The following KLF12 variants were observed in gnomAD, a reference collection of about 807,000 sequenced individuals.
The protein encoded by KLF12 is Krueppel-like factor 12.
A neutral mutation model predicts 37.8 loss-of-function variants in KLF12; 9 were observed. The ratio of observed to expected loss-of-function variants is 0.24; its 90% CI spans 0.14 to 0.42. KLF12 has a LOEUF of 0.42. Ranked by LOEUF, KLF12 falls within the 10% of genes least tolerant of loss-of-function variation. KLF12 has a pLI of 1.00. For missense variants in KLF12, 411 were observed against 516.0 expected, an observed-to-expected ratio of 0.80 and a Z score of 1.97; for synonymous variants, 208 against 202.1, an observed-to-expected ratio of 1.03 and a Z score of -0.25.
At chr13:73,714,927 C>T (rs1022845328) in intron 7 of KLF12, among the ~76,000 whole-genome samples, 4 of 152,250 alleles carry the variant, frequency 2.6e-5, no homozygotes, top group Non-Finnish European at 4.4e-5. Context: ...CACAATGCTA[C>T]GTATCTGTCA....
At chr13:73,757,085 T>C (rs1474863474) in intron 6 of KLF12, among the ~76,000 whole-genome samples, 1 of 152,154 alleles carries the variant, frequency 6.6e-6, no homozygotes, top group Non-Finnish European at 1.5e-5. Flanking sequence ...AGCCCTGACT[T>C]CACCTACACA....
upstream of KLF12, among the ~76,000 whole-genome samples, chr13:74,135,655 CTAGGTGAG>C (rs1878527237): frequency 1.3e-5 from 2 of 151,922 alleles, no homozygotes; most frequent in East Asian, 3.9e-4. Flanking sequence ...CCTCACCATC[CTAGGTGAG>C]CGCGGCGCTC....
chr13:73,855,314 C>T (rs1885548142), intron 3 of KLF12, among the ~76,000 whole-genome samples: 1 of 152,072 alleles, frequency 6.6e-6, no homozygotes, highest in Non-Finnish European at 1.5e-5. Flanking sequence ...ATGTTTAGCT[C>T]CCATGTATAA....
intron 6 of KLF12, among the ~76,000 whole-genome samples, chr13:73,747,632 C>T (rs541398162): frequency 7.2e-5 from 11 of 152,008 alleles, no homozygotes; most frequent in Non-Finnish European, 1.0e-4. Context: ...TTATTTATTG[C>T]GTTTGGTAAA....
intron 5 of KLF12, among the ~76,000 whole-genome samples, chr13:73,805,650 G>GAGGAAGGAAGGAAGGA (rs1164051826): frequency 8.1e-5 from 3 of 37,060 alleles, no homozygotes; most frequent in Admixed American, 5.8e-4. Context: ...GGGAGGGAGG[G>GAGGAAGGAAGGAAGGA]AGGAAGGAAG....
intron 5 of KLF12, among the ~76,000 whole-genome samples, chr13:73,803,837 T>C (rs1882420091): frequency 6.6e-6 from 1 of 151,358 alleles, no homozygotes. Flanking sequence ...TAAATTCCTG[T>C]GCCCAATTGT....
At chr13:73,902,414 G>A (rs990464317) in intron 3 of KLF12, among the ~76,000 whole-genome samples, 1 of 152,274 alleles carries the variant, frequency 6.6e-6, no homozygotes, top group Middle Eastern at 3.4e-3. Context: ...ACCATCATGG[G>A]AGGAAGTGGC....
chr13:73,978,763 A>C (rs367875190), intron 2 of KLF12, among the ~76,000 whole-genome samples: 85 of 152,264 alleles, frequency 5.6e-4, no homozygotes, highest in African/African-American at 2.0e-3. Flanking sequence ...AAAAGTAGGG[A>C]CCAACCAAGG....
chr13:74,142,785 T>C, the KLF12 span, among the ~76,000 whole-genome samples: 2 of 152,172 alleles, frequency 1.3e-5, no homozygotes, highest in African/African-American at 4.8e-5. Context: ...TAAAGGAATA[T>C]ATACAGTTTC....
At chr13:73,946,464 C>A (rs1001208628) in intron 2 of KLF12, among the ~76,000 whole-genome samples, 4 of 152,164 alleles carry the variant, frequency 2.6e-5, no homozygotes, top group African/African-American at 9.6e-5. Flanking sequence ...GGTCTGTGTT[C>A]CACTTAACAC....
At chr13:73,962,371 A>G (rs1891046339) in intron 2 of KLF12, among the ~76,000 whole-genome samples, 1 of 152,220 alleles carries the variant, frequency 6.6e-6, no homozygotes, top group Admixed American at 6.5e-5. Flanking sequence ...GATTTCTAGA[A>G]CAATAAAACT....
chr13:73,811,802 A>T (rs1434528616), intron 5 of KLF12, among the ~76,000 whole-genome samples: 2 of 152,206 alleles, frequency 1.3e-5, no homozygotes, highest in East Asian at 3.8e-4. Context: ...TATTATATGT[A>T]TATTCATATA....
chr13:74,015,286 G>A (rs1020970250), intron 1 of KLF12, among the ~76,000 whole-genome samples: 6 of 152,082 alleles, frequency 3.9e-5, no homozygotes, highest in African/African-American at 1.4e-4. Context: ...TCTCCACTAG[G>A]TTATAAATTT....
the KLF12 span, among the ~76,000 whole-genome samples, chr13:74,188,978 T>G: frequency 6.6e-6 from 1 of 152,030 alleles, no homozygotes; most frequent in Non-Finnish European, 1.5e-5. Flanking sequence ...GCCTGGGGGT[T>G]CTTGAGACAG....
chr13:74,038,046 G>A (rs770061977), intron 1 of KLF12, among the ~76,000 whole-genome samples: 5 of 152,166 alleles, frequency 3.3e-5, no homozygotes, highest in African/African-American at 4.8e-5. Context: ...CAATACATGT[G>A]ATAAAACTGC....
chr13:73,953,139 A>G (rs1890702656), intron 2 of KLF12, among the ~76,000 whole-genome samples: 1 of 152,198 alleles, frequency 6.6e-6, no homozygotes, highest in Non-Finnish European at 1.5e-5. Flanking sequence ...CAAAGGACCT[A>G]CTACATTCTG....
intron 3 of KLF12, among the ~76,000 whole-genome samples, chr13:73,928,511 CA>C (rs1240307526): frequency 6.6e-6 from 1 of 152,142 alleles, no homozygotes; most frequent in African/African-American, 2.4e-5. Flanking sequence ...CTTTATACCA[CA>C]AACACTGAAT....
At chr13:74,229,372 T>C in the KLF12 span, among the ~76,000 whole-genome samples, 1 of 152,188 alleles carries the variant, frequency 6.6e-6, no homozygotes, top group Admixed American at 6.6e-5. Flanking sequence ...CTCCTGTATT[T>C]ATTATTCGTG....
At chr13:73,894,010 C>T (rs1437127383) in intron 3 of KLF12, among the ~76,000 whole-genome samples, 2 of 152,118 alleles carry the variant, frequency 1.3e-5, no homozygotes, top group Non-Finnish European at 2.9e-5. Flanking sequence ...TAGGAGCTGG[C>T]TAACGAGCAA....
Sources: allele counts gnomAD v4.1 joint callset (sites outside exome capture counted in the v4.1 genomes callset), GRCh38; gene constraint gnomAD v4.1.1; transcripts MANE v1.5; gene names NCBI Gene and HGNC (gene_info 2026-07-23, HGNC 2026-07-21).